The following GBX2 variants were observed in gnomAD, a reference collection of about 807,000 sequenced individuals.
GBX2 encodes the protein homeobox protein GBX-2.
GBX2 carries 5 observed loss-of-function variants against 22.4 expected under a neutral mutation model. The observed-to-expected ratio is 0.22, with a 90% CI of 0.12 to 0.47. The LOEUF (loss-of-function observed/expected upper bound fraction) is 0.47, where lower values mean the gene tolerates loss of function less well. Ranked by LOEUF, GBX2 falls within the 20% of genes least tolerant of loss-of-function variation. The probability of loss-of-function intolerance (pLI) is 0.99; values close to 1 mark genes in which losing one functional copy is unlikely to be tolerated. For missense variants in GBX2, 470 were observed against 495.4 expected, an observed-to-expected ratio of 0.95 and a Z score of 0.49; for synonymous variants, 220 against 230.5, an observed-to-expected ratio of 0.95 and a Z score of 0.41.
chr2:236,162,353 G>T (rs926668193), downstream of GBX2, among the ~76,000 whole-genome samples: 2 of 152,254 alleles, frequency 1.3e-5, no homozygotes, highest in Non-Finnish European at 2.9e-5. Flanking sequence ...GGAAGCAAAG[G>T]CTGGATGCAC....
rs1262863408 is a variant in GBX2, at chr2:236,165,288, T to C, written c.*626A>G. 2 of 152,314 alleles carry C rather than the reference T, an allele frequency of 1.3e-5. No individual in the cohort carries two copies. The highest frequency in any genetic ancestry group is 1.3e-4 in the Admixed American group (2 of 15,292). 9.4% of individuals were successfully genotyped at this position (152,314 alleles called of 1,614,324 possible). ...TTTATTATTCACAAGACTGAAATTG[T>C]TTAAATGTCATAACTTATAAGAAAA... is the stretch of plus-strand genomic sequence containing the variant. On this transcript the variant is annotated 3_prime_UTR_variant, in exon 2 of 2. Coordinates refer to ENST00000306318, the MANE Select transcript of GBX2 (RefSeq NM_001485.4).
In GBX2 at chr2:236,167,913, G is replaced by A; in HGVS notation, c.59C>T (p.Thr20Ile). The A allele has an allele frequency of 6.4e-7, 1 of 1,562,346 alleles. No individual in the cohort carries two copies. The highest frequency in any genetic ancestry group is 1.4e-5 in the African/African-American group (1 of 70,528). The part of the protein sequence containing the change: ...MMMQRPLGSS[T>I]AFSIDSLIGS... Reference sequence around the variant, plus strand: ...GATCAGCGAGTCTATGCTGAAGGCGGTGCTACTCCCCAGCGGGCGCTGCAT... The same window carrying A: ...GATCAGCGAGTCTATGCTGAAGGCGATGCTACTCCCCAGCGGGCGCTGCAT... Residue 20 changes from threonine to isoleucine, a missense_variant, in exon 1 of 2, where the codon ACC (threonine) becomes ATC (isoleucine). Coordinates refer to ENST00000306318, the MANE Select transcript of GBX2 (RefSeq NM_001485.4).
rs2060240055 is a variant in GBX2, at chr2:236,166,479, C to T, written c.524-42G>A. Reference sequence around the variant, plus strand: ...ACGGCATTTTATTACATTTCGCACACTGGCCTTCCTTTCTCCTTCCCACCG... The same window carrying T: ...ACGGCATTTTATTACATTTCGCACATTGGCCTTCCTTTCTCCTTCCCACCG... On this transcript the variant is annotated intron_variant, in intron 1 of 1. Coordinates refer to ENST00000306318, the MANE Select transcript of GBX2 (RefSeq NM_001485.4). The surrounding 1 kb of genome is among the most constrained non-coding windows in gnomAD (Gnocchi z 6.6). 6.4e-7 allele frequency: 1 copy of T among 1,568,410 alleles called. No homozygotes were observed. Among genetic ancestry groups the T allele is most frequent in the Middle Eastern group, 1.7e-4 (1 of 5,864 alleles).
At chr2:236,164,266 G>C (rs1005977067), downstream of GBX2, among the ~76,000 whole-genome samples, 8 of 152,134 alleles carry the variant, frequency 5.3e-5, no homozygotes, top group Non-Finnish European at 8.8e-5. Context: ...GCGGCTCACC[G>C]GCCTCCCCTC....
rs559051905 is a variant in GBX2 at position 236,166,067 on chromosome 2, T to C, written c.894A>G (p.Arg298=). The change falls in exon 2 of 2, where the codon CGA becomes CGG. Residue 298 remains arginine (R), a synonymous_variant. Transcript: ENST00000306318. The surrounding 1 kb of genome is among the most constrained non-coding windows in gnomAD (Gnocchi z 6.6). ...EVQVKIWFQN[R]RAKWKRVKAG... ...CCTTCACCCGTTTCCACTTGGCCCG[T>C]CGGTTCTGGAACCAGATTTTCACCT... The C allele has an allele frequency of 6.2e-7, 1 of 1,614,234 alleles. No homozygotes were observed. Among genetic ancestry groups the C allele is most frequent in the African/African-American group, 1.3e-5 (1 of 75,068 alleles).
At chr2:236,167,409 T>G in intron 1 of GBX2, 40 bp downstream of exon 1, 1 of 1,379,918 alleles carries the variant, frequency 7.2e-7, no homozygotes, top group Non-Finnish European at 9.4e-7. Context: ...CCCCGCCTCC[T>G]CCCGCCCCCT....
chr2:236,168,299 C>CTGT lies in GBX2; in HGVS notation c.-329_-328insACA, dbSNP rs2060255401. 6.0e-6 allele frequency: 1 copy of CTGT among 165,640 alleles called. No individual in the cohort carries two copies. The highest frequency in any genetic ancestry group is 3.0e-5 in the African/African-American group (1 of 33,338). 10.3% of individuals were successfully genotyped at this position (165,640 alleles called of 1,614,324 possible). A position where few individuals can be genotyped will look rare whatever the true frequency, so the allele number is the denominator to read the frequency against. ...CCCCGGTAAGCTGCCGTCCGTCCGT[C>CTGT]CGTCCCGCCGTCCGTCGCCTCCCGC... On this transcript the variant is annotated 5_prime_UTR_variant, in exon 1 of 2. Coordinates refer to ENST00000306318, the MANE Select transcript of GBX2 (RefSeq NM_001485.4).
downstream of GBX2, among the ~76,000 whole-genome samples, chr2:236,162,398 G>C (rs1363232859): frequency 2.6e-5 from 4 of 152,252 alleles, no homozygotes; most frequent in Non-Finnish European, 5.9e-5. Flanking sequence ...TCCAGCGCAG[G>C]TTGGGATTTG....
At chr2:236,164,412 G>C (rs2060226621), downstream of GBX2, among the ~76,000 whole-genome samples, 3 of 152,166 alleles carry the variant, frequency 2.0e-5, no homozygotes, top group Non-Finnish European at 1.5e-5. Flanking sequence ...GTATCTGGCG[G>C]CGCGCTTCGG....
rs1167458480 is a variant in GBX2, at chr2:236,166,887, G to A, written c.524-450C>T. On this transcript the variant is annotated intron_variant, in intron 1 of 1. Transcript: ENST00000306318. The surrounding 1 kb of genome is among the most constrained non-coding windows in gnomAD (Gnocchi z 6.6). ...CAATTGCTTCCTAACCGGAGTGGAG[G>A]CGTAGGGACGTGCAGATCCCAGACC... Among the ~76,000 whole-genome samples the A allele has an allele frequency of 1.3e-5, 2 of 152,192 alleles. No homozygotes were observed. The highest frequency in any genetic ancestry group is 2.9e-5 in the Non-Finnish European group (2 of 68,042).
downstream of GBX2, among the ~76,000 whole-genome samples, chr2:236,163,477 G>A (rs960767565): frequency 1.3e-5 from 2 of 152,228 alleles, no homozygotes; most frequent in African/African-American, 2.4e-5. Context: ...TGCGGTCAAA[G>A]CTTCGGGTCC....
chr2:236,168,151 G>A lies in GBX2; in HGVS notation c.-180C>T, dbSNP rs1576383507. The A allele has an allele frequency of 9.1e-6, 5 of 549,198 alleles. No individual in the cohort carries two copies. In the East Asian group the frequency reaches 2.1e-4, roughly 23 times the overall value. The allele number at this position is 549,198 out of a possible 1,614,324, so 34.0% of individuals were successfully genotyped here. A position where few individuals can be genotyped will look rare whatever the true frequency, so the allele number is the denominator to read the frequency against. On this transcript the variant is annotated 5_prime_UTR_variant, in exon 1 of 2. Coordinates refer to ENST00000306318, the MANE Select transcript of GBX2 (RefSeq NM_001485.4). ...CGCTGCATGCCGGGCGGGTGCAGGG[G>A]GTGTGCGGGGTGAGGCCGTGCGCCC... is the stretch of plus-strand genomic sequence containing the variant.
chr2:236,161,792 C>T, downstream of GBX2, among the ~76,000 whole-genome samples: 1 of 152,224 alleles, frequency 6.6e-6, no homozygotes, highest in Non-Finnish European at 1.5e-5. Context: ...CACACCGCCA[C>T]TGAAGTCCAG....
At chr2:236,163,924 GC>G (rs2060224170), downstream of GBX2, among the ~76,000 whole-genome samples, 3 of 152,080 alleles carry the variant, frequency 2.0e-5, no homozygotes, top group African/African-American at 7.2e-5. Context: ...GCGGCCAGGA[GC>G]CTCTGCGGCT....
chr2:236,163,287 C>T (rs2060221392), downstream of GBX2, among the ~76,000 whole-genome samples: 1 of 148,162 alleles, frequency 6.7e-6, no homozygotes, highest in African/African-American at 2.6e-5. Context: ...GGGGTCAGCG[C>T]CCCGAGGAGC....
chr2:236,167,625 G>C lies in GBX2; in HGVS notation c.347C>G (p.Pro116Arg). The C allele has an allele frequency of 6.3e-7, 1 of 1,593,644 alleles. No homozygotes were observed. Among genetic ancestry groups the C allele is most frequent in the Non-Finnish European group, 8.5e-7 (1 of 1,174,780 alleles). Residue 116 changes from proline to arginine, a missense_variant, in exon 1 of 2, where the codon CCC becomes CGC. By Grantham distance (103) the Pro-to-Arg change is moderately radical (BLOSUM62 -2). This residue lies in a region of GBX2 where 377 missense variants were observed against 358.6 expected (regional missense o/e 1.05). Transcript: ENST00000306318. ...GGCCGCTGCCGCCTCCTGGTGCTGG[G>C]GCGACGCGGAGAAGCCGCCGGGGAG... Reference protein sequence around the residue: ...ATLPGGFSASPQHQEAAAARK... With the variant: ...ATLPGGFSASRQHQEAAAARK...
chr2:236,163,942 G>GC (rs539999933), downstream of GBX2, among the ~76,000 whole-genome samples: 740 of 152,160 alleles, frequency 4.9e-3, 3 homozygotes, highest in African/African-American at 0.017. Flanking sequence ...GGCTCTCGGC[G>GC]CCCCGCAGAG....
chr2:236,167,418 C>T, intron 1 of GBX2, 31 bp downstream of exon 1: 1 of 1,469,930 alleles, frequency 6.8e-7, no homozygotes, highest in African/African-American at 1.5e-5. Context: ...CTCCCGCCCC[C>T]TCGTCCCGGC....
chr2:236,165,056 C>T (rs1013677075), downstream of GBX2, among the ~76,000 whole-genome samples: 1 of 152,158 alleles, frequency 6.6e-6, no homozygotes, highest in African/African-American at 2.4e-5. Flanking sequence ...GTAATCCTAT[C>T]GGCCCTCTTG....
Sources: allele counts gnomAD v4.1 joint callset (sites outside exome capture counted in the v4.1 genomes callset), GRCh38; gene constraint gnomAD v4.1.1; regional missense constraint gnomAD v4.1.1; non-coding constraint Gnocchi (gnomAD v3.1); transcripts MANE v1.5; gene names NCBI Gene and HGNC (gene_info 2026-07-23, HGNC 2026-07-21).